The following MRE11 variants were observed in gnomAD, a reference collection of about 807,000 sequenced individuals.
MRE11 encodes MRE11 double strand break repair nuclease.
MRE11 carries 62 observed loss-of-function variants against 91.7 expected under a neutral mutation model. That is an observed-to-expected ratio of 0.68 (90% CI 0.55 to 0.84). The LOEUF (loss-of-function observed/expected upper bound fraction) is 0.84, where lower values mean the gene tolerates loss of function less well. Among genes scored for constraint, MRE11 ranks in the 40% least tolerant of loss-of-function variants. MRE11 has a pLI of 0.00. For missense variants in MRE11, 796 were observed against 852.9 expected (o/e 0.93, Z 0.83); for synonymous variants, 273 against 271.4 (o/e 1.01, Z -0.06).
chr11:94,443,296 G>C (rs1436891550), intron 16 of MRE11, among the ~76,000 whole-genome samples: 3 of 152,192 alleles, frequency 2.0e-5, no homozygotes, highest in East Asian at 1.9e-4. Flanking sequence ...TGGTTGTAGA[G>C]TGCAGAGAAT....
upstream of MRE11, chr11:94,496,644 A>T: frequency 6.8e-7 from 1 of 1,472,190 alleles, no homozygotes; most frequent in Non-Finnish European, 9.1e-7. Context: ...CTCTAGAAAG[A>T]TTTATATCCT....
chr11:94,482,496 G>T (rs1340895933), intron 4 of MRE11, among the ~76,000 whole-genome samples: 1 of 151,706 alleles, frequency 6.6e-6, no homozygotes, highest in Admixed American at 6.6e-5. Context: ...CAGAAAGAAG[G>T]AAACTGAATC....
intron 2 of MRE11, among the ~76,000 whole-genome samples, chr11:94,492,102 G>A (rs1312872721): frequency 2.6e-5 from 4 of 152,020 alleles, no homozygotes; most frequent in Non-Finnish European, 5.9e-5. Flanking sequence ...TGAAACTAGG[G>A]TAAAAGACTC....
At chr11:94,425,569 G>A (rs1945291405) in intron 19 of MRE11, among the ~76,000 whole-genome samples, 1 of 152,136 alleles carries the variant, frequency 6.6e-6, no homozygotes, top group African/African-American at 2.4e-5. Context: ...TTGGATAAAA[G>A]GACAAGACCT....
rs1060501783 is a variant in MRE11, at chr11:94,478,791, T to G, written c.488A>C (p.Asp163Ala). The G allele has an allele frequency of 1.9e-6, 3 of 1,613,750 alleles. No homozygotes were observed. Among genetic ancestry groups the G allele is most frequent in the South Asian group, 1.1e-5 (1 of 91,068 alleles). Residue 163 changes from aspartate to alanine, a missense_variant, in exon 6 of 20, where the codon GAC becomes GCC. Physicochemically the swap from Asp to Ala is moderately radical, Grantham distance 126. Coordinates refer to ENST00000323929, the MANE Select transcript of MRE11 (RefSeq NM_005591.4). ...TTTTTGAAGCAAAACCGGACTAATG[T>G]CTATCTTCTCCACAGACATTGAACG... ...FGRSMSVEKI[D>A]ISPVLLQKGS... is the part of the protein sequence containing the mutation.
chr11:94,447,257 T>C lies in MRE11; in HGVS notation c.1745A>G (p.Gln582Arg), dbSNP rs752385699. The change falls in exon 15 of 20, where the codon CAG (glutamine) becomes CGG (arginine). Residue 582 changes from glutamine to arginine, a missense_variant. Transcript: ENST00000323929. ...RGRGRRGGRG[Q>R]NSASRGGSQR... is the part of the protein sequence containing the mutation. ...AGACCCTCCTCTCGATGCTGAATTC[T>C]GCCCTCTTCCACCTCTTCGACCTCT... The C allele has an allele frequency of 1.9e-6, 3 of 1,613,992 alleles. No homozygotes were observed. The highest frequency in any genetic ancestry group is 1.7e-6 in the Non-Finnish European group (2 of 1,180,020).
chr11:94,496,902 T>A, upstream of MRE11: 3 of 1,610,258 alleles, frequency 1.9e-6, no homozygotes, highest in Non-Finnish European at 2.5e-6. Context: ...GAAAAAAAAA[T>A]GGAAAAAGAC....
rs1183517412 is a variant in MRE11 at position 94,474,945 on chromosome 11, T to A, written c.659+1344A>T. Among the ~76,000 whole-genome samples the A allele has an allele frequency of 2.6e-5, 4 of 152,244 alleles. 1 individual carries two copies. The highest frequency in any genetic ancestry group is 9.6e-5 in the African/African-American group (4 of 41,554). On this transcript the variant is annotated intron_variant, in intron 7 of 19. Coordinates refer to ENST00000323929, the MANE Select transcript of MRE11 (RefSeq NM_005591.4). ...GGAACAAATCCCAGTGGTGCAAAGT[T>A]ATATGAAGACCACACACATATCTAA... is the stretch of plus-strand genomic sequence containing the variant.
upstream of MRE11, chr11:94,496,721 G>A (rs1947422913): frequency 2.5e-6 from 4 of 1,597,366 alleles, no homozygotes; most frequent in Middle Eastern, 1.7e-4. Context: ...AAATGATGAT[G>A]GAATACCAGA....
chr11:94,471,781 T>C (rs772088236), intron 7 of MRE11, 22 bp from the exon 8 acceptor site: 2 of 1,585,670 alleles, frequency 1.3e-6, no homozygotes, highest in Non-Finnish European at 1.7e-6. Flanking sequence ...TTTTGAAAAA[T>C]ATAAATTCGG....
intron 16 of MRE11, among the ~76,000 whole-genome samples, chr11:94,440,635 A>G (rs1422795649): frequency 6.6e-6 from 1 of 152,194 alleles, no homozygotes; most frequent in Non-Finnish European, 1.5e-5. Context: ...CGGCTGCCCA[A>G]AGTGAAAACC....
chr11:94,464,590 C>G (rs1946513472), intron 10 of MRE11, among the ~76,000 whole-genome samples: 1 of 152,134 alleles, frequency 6.6e-6, no homozygotes, highest in Non-Finnish European at 1.5e-5. Flanking sequence ...AACAAACAAA[C>G]AAACACACAC....
chr11:94,428,431 A>C (rs1046359432), intron 19 of MRE11, among the ~76,000 whole-genome samples: 1 of 152,248 alleles, frequency 6.6e-6, no homozygotes, highest in African/African-American at 2.4e-5. Flanking sequence ...ATACTATAAT[A>C]ATCCTAGAAG....
chr11:94,417,281 G>A lies in MRE11; in HGVS notation c.*2844C>T. 1 of 200,330 alleles carries A rather than the reference G, an allele frequency of 5.0e-6. No homozygotes were observed. The highest frequency in any genetic ancestry group is 1.0e-5 in the Non-Finnish European group (1 of 97,110). 12.4% of individuals were successfully genotyped at this position (200,330 alleles called of 1,614,324 possible). On this transcript the variant is annotated 3_prime_UTR_variant, in exon 20 of 20. Transcript: ENST00000323929. ...CATGAGCCACTGCACCCAGCCCATTGAGATACTTTTTTACTCAGTTTTTTT... is the reference window on the plus strand; with the variant it reads ...CATGAGCCACTGCACCCAGCCCATTAAGATACTTTTTTACTCAGTTTTTTT...
At chr11:94,502,849 G>C in the MRE11 span, among the ~76,000 whole-genome samples, 25 of 151,676 alleles carry the variant, frequency 1.6e-4, no homozygotes, top group Non-Finnish European at 3.2e-4. Context: ...AATTTTTTAT[G>C]TTTTTAGTAG....
chr11:94,481,978 T>A (rs1947024663), intron 4 of MRE11, among the ~76,000 whole-genome samples: 1 of 152,176 alleles, frequency 6.6e-6, no homozygotes, highest in Non-Finnish European at 1.5e-5. Context: ...TAAATGATAT[T>A]CAGAAAGAGA....
intron 12 of MRE11, 65 bp from the exon 13 acceptor site, chr11:94,459,646 G>T: frequency 6.5e-6 from 10 of 1,527,334 alleles, no homozygotes; most frequent in Non-Finnish European, 9.0e-6. Flanking sequence ...TTATAGATGA[G>T]CAAGGAAAAT....
chr11:94,445,862 G>A lies in MRE11; in HGVS notation c.1815C>T (p.Ser605=), dbSNP rs1360750083. ...ADTGLETSTR[S]RNSKTAVSAS... ...CTGACACAGCAGTCTTTGAGTTCCT[G>A]CTACGGGTAGAAGTCTCCAGACCAG... The change falls in exon 16 of 20, where the codon AGC becomes AGT. Residue 605 remains serine (S), a synonymous_variant. Transcript: ENST00000323929. The A allele has an allele frequency of 4.3e-6, 7 of 1,613,646 alleles. No homozygotes were observed. The South Asian group carries it at 6.6e-5, about 15-fold the overall frequency.
At chr11:94,482,740 C>G (rs778076738) in intron 4 of MRE11, among the ~76,000 whole-genome samples, 6 of 152,110 alleles carry the variant, frequency 3.9e-5, no homozygotes, top group Non-Finnish European at 7.4e-5. Flanking sequence ...TCAAGACCAG[C>G]CTCACCAACC....
Sources: gnomAD v4.1 joint callset for allele counts (sites outside exome capture counted in the v4.1 genomes callset) on GRCh38, gnomAD v4.1.1 for gene constraint, MANE v1.5 for transcripts, NCBI Gene and HGNC (gene_info 2026-07-23, HGNC 2026-07-21) for gene names.